CBFA2T2: variants seen among roughly 807,000 people sequenced by gnomAD.
The protein encoded by CBFA2T2 is protein CBFA2T2.
Under a neutral mutation model 62.2 loss-of-function variants are expected in CBFA2T2, and 11 were observed. That is an observed-to-expected ratio of 0.18 (90% CI 0.11 to 0.29). CBFA2T2 has a LOEUF of 0.29. CBFA2T2 is among the 10% of genes least tolerant of loss of function. CBFA2T2 has a pLI of 1.00. For missense variants in CBFA2T2, 592 were observed against 774.1 expected, an observed-to-expected ratio of 0.76 and a Z score of 2.79; for synonymous variants, 295 against 287.5, an observed-to-expected ratio of 1.03 and a Z score of -0.27.
intron 1 of CBFA2T2, among the ~76,000 whole-genome samples, chr20:33,560,598 T>C (rs2013047549): frequency 6.6e-6 from 1 of 152,186 alleles, no homozygotes; most frequent in South Asian, 2.1e-4. Context: ...TAAAACCTAG[T>C]AATTAAGTTG....
intron 1 of CBFA2T2, among the ~76,000 whole-genome samples, chr20:33,542,520 C>A (rs1206131197): frequency 6.6e-6 from 1 of 152,058 alleles, no homozygotes; most frequent in East Asian, 1.9e-4. Flanking sequence ...AATACTCTCT[C>A]AATTATCAAT....
intron 1 of CBFA2T2, among the ~76,000 whole-genome samples, chr20:33,521,823 C>CGTGTGTGTGT (rs111558647): frequency 3.8e-4 from 56 of 148,466 alleles, no homozygotes; most frequent in African/African-American, 1.4e-3. Context: ...ATTTGAGCTG[C>CGTGTGTGTGT]GTGTGTGTGT....
chr20:33,618,246 T>C (rs1167381831), intron 3 of CBFA2T2, among the ~76,000 whole-genome samples: 2 of 152,076 alleles, frequency 1.3e-5, no homozygotes, highest in Non-Finnish European at 2.9e-5. Flanking sequence ...TACTATGTTT[T>C]TGAACACTTA....
intron 2 of CBFA2T2, among the ~76,000 whole-genome samples, chr20:33,608,406 G>GT (rs2015411797): frequency 6.6e-6 from 1 of 152,206 alleles, no homozygotes; most frequent in African/African-American, 2.4e-5. Context: ...AAAATTTTTT[G>GT]TTTTTTGTGT....
intron 10 of CBFA2T2, among the ~76,000 whole-genome samples, chr20:33,641,233 C>T (rs987177158): frequency 1.6e-4 from 25 of 151,918 alleles, no homozygotes; most frequent in African/African-American, 6.0e-4. Context: ...GGGGTTTCAC[C>T]GTGTTAGCCA....
intron 8 of CBFA2T2, among the ~76,000 whole-genome samples, chr20:33,636,037 G>A (rs535829347): frequency 1.3e-4 from 19 of 151,892 alleles, no homozygotes; most frequent in Non-Finnish European, 1.9e-4. Flanking sequence ...TCCGAAACAC[G>A]TAGAAATTTT....
chr20:33,549,938 T>C (rs954316985), intron 1 of CBFA2T2, among the ~76,000 whole-genome samples: 4 of 150,160 alleles, frequency 2.7e-5, no homozygotes, highest in South Asian at 2.1e-4. Context: ...ACACTGGCAG[T>C]TGGGGTTCAT....
chr20:33,561,977 A>G (rs1425937420), intron 1 of CBFA2T2, among the ~76,000 whole-genome samples: 2 of 152,324 alleles, frequency 1.3e-5, no homozygotes, highest in African/African-American at 4.8e-5. Flanking sequence ...TGTTCAAAAC[A>G]TATTTTTAAT....
chr20:33,595,801 A>G (rs1274998850), intron 1 of CBFA2T2, among the ~76,000 whole-genome samples: 1 of 152,132 alleles, frequency 6.6e-6, no homozygotes, highest in Admixed American at 6.5e-5. Flanking sequence ...CAGCCTCCCA[A>G]AGTGCTGGGA....
At chr20:33,631,633 T>G (rs2034257224) in intron 8 of CBFA2T2, among the ~76,000 whole-genome samples, 1 of 152,204 alleles carries the variant, frequency 6.6e-6, no homozygotes, top group Non-Finnish European at 1.5e-5. Flanking sequence ...CTTTCTCACC[T>G]TTTGCATCAA....
chr20:33,556,985 C>T (rs557893424), intron 1 of CBFA2T2, among the ~76,000 whole-genome samples: 141 of 143,968 alleles, frequency 9.8e-4, no homozygotes, highest in Middle Eastern at 4.1e-3. Flanking sequence ...CTTTCTTGCC[C>T]AAGGTGTTGC....
intron 1 of CBFA2T2, among the ~76,000 whole-genome samples, chr20:33,591,317 C>T (rs1456664566): frequency 1.3e-5 from 2 of 151,028 alleles, no homozygotes; most frequent in South Asian, 2.1e-4. Flanking sequence ...AAACCCATTT[C>T]TACTTAAAAT....
Position 33,575,926 on chromosome 20 carries a change from A to C in CBFA2T2, c.35-31030A>C, listed in dbSNP as rs200109022. Among the ~76,000 whole-genome samples, 4 of 150,254 alleles carry C rather than the reference A, an allele frequency of 2.7e-5. No homozygotes were observed. The East Asian group carries it at 7.8e-4, about 29-fold the overall frequency. ...CCGAGTAGCTGGGACTACAGGCGCC[A>C]GCCACCACGCCTGGCTAATTTTTTT... is the stretch of plus-strand genomic sequence containing the variant. On this transcript the variant is annotated intron_variant, in intron 1 of 10. Coordinates refer to ENST00000342704, the MANE Select transcript of CBFA2T2 (RefSeq NM_001032999.3).
chr20:33,533,058 T>G (rs1403444867), intron 1 of CBFA2T2, among the ~76,000 whole-genome samples: 2 of 152,234 alleles, frequency 1.3e-5, no homozygotes, highest in Non-Finnish European at 1.5e-5. Flanking sequence ...TTCCTGCATT[T>G]TCTTCTTAAA....
rs759260680 is a variant in CBFA2T2, at chr20:33,644,402, C to T, written c.1544C>T (p.Ala515Val). 2 of 1,614,226 alleles carry T rather than the reference C, an allele frequency of 1.2e-6. No homozygotes were observed. Among genetic ancestry groups the T allele is most frequent in the Non-Finnish European group, 1.7e-6 (2 of 1,180,040 alleles). ...GAGACATGCAGTGGCTGCAATATCG[C>T]GCGATACTGTGGCTCTTTCTGCCAG... ...ASETCSGCNI[A>V]RYCGSFCQHK... The change falls in exon 11 of 11, where the codon GCG becomes GTG. Residue 515 changes from alanine (A) to valine (V), a missense_variant. By Grantham distance (64) the Ala-to-Val change is moderately conservative. Transcript: ENST00000342704.
chr20:33,500,570 A>G (rs954417816), intron 1 of CBFA2T2, among the ~76,000 whole-genome samples: 2 of 151,986 alleles, frequency 1.3e-5, no homozygotes, highest in African/African-American at 4.8e-5. Context: ...TTATTCAGCC[A>G]TGGTGGCGCA....
At chr20:33,641,686 G>A (rs1161691787) in intron 10 of CBFA2T2, among the ~76,000 whole-genome samples, 1 of 151,962 alleles carries the variant, frequency 6.6e-6, no homozygotes, top group Non-Finnish European at 1.5e-5. Flanking sequence ...GGGTTCAAGC[G>A]ATTCTCCCAC....
At chr20:33,503,901 C>A (rs1390803869) in intron 1 of CBFA2T2, among the ~76,000 whole-genome samples, 4 of 151,478 alleles carry the variant, frequency 2.6e-5, no homozygotes, top group African/African-American at 9.7e-5. Flanking sequence ...TTTTTCATGG[C>A]ATAGTTCTAT....
intron 1 of CBFA2T2, among the ~76,000 whole-genome samples, chr20:33,549,798 A>G (rs575849175): frequency 6.6e-6 from 1 of 152,190 alleles, no homozygotes; most frequent in South Asian, 2.1e-4. Flanking sequence ...CCCTGCTGCA[A>G]AGGAGTAGTC....
Sources: gnomAD v4.1 joint callset for allele counts (sites outside exome capture counted in the v4.1 genomes callset) on GRCh38, gnomAD v4.1.1 for gene constraint, MANE v1.5 for transcripts, NCBI Gene and HGNC (gene_info 2026-07-23, HGNC 2026-07-21) for gene names.